VPS45: variants seen among roughly 807,000 people sequenced by gnomAD.
The protein encoded by VPS45 is vacuolar protein sorting-associated protein 45.
VPS45 carries 35 observed loss-of-function variants against 75.9 expected under a neutral mutation model. The observed-to-expected ratio is 0.46, with a 90% CI of 0.35 to 0.61. The LOEUF is 0.61. VPS45 is among the 20% of genes least tolerant of loss of function. The probability of loss-of-function intolerance (pLI) is 0.00; values close to 1 mark genes in which losing one functional copy is unlikely to be tolerated. For synonymous variants in VPS45, 220 were observed against 238.2 expected (o/e 0.92, Z 0.70); for missense variants, 559 against 685.9 (o/e 0.81, Z 2.07).
At position 150,072,208 on chromosome 1, in the gene VPS45, TAC is replaced by T; in HGVS notation, c.274_275del (p.Thr92TyrfsTer8). ...YIIQELRRPK[Y>X]TIYFIYFSNV... ...TATTCAGGAGCTCCGAAGACCCAAATACACTATATATTTCATTTGTAAGTATG... is the reference window on the plus strand; with the variant it reads ...TATTCAGGAGCTCCGAAGACCCAAATACTATATATTTCATTTGTAAGTATG... On this transcript the variant is annotated frameshift_variant, in exon 3 of 15. Transcript: ENST00000644510. LOFTEE classifies it high-confidence loss of function. The T allele has an allele frequency of 6.2e-7, 1 of 1,603,984 alleles. No individual in the cohort carries two copies. Among genetic ancestry groups the T allele is most frequent in the Non-Finnish European group, 8.5e-7 (1 of 1,174,258 alleles).
chr1:150,082,052 G>A (rs1197995849), intron 9 of VPS45, 55 bp downstream of exon 9: 8 of 1,133,910 alleles, frequency 7.1e-6, no homozygotes, highest in Middle Eastern at 5.6e-4. Flanking sequence ...TACTATTCAT[G>A]TAAGCAACAC....
intron 14 of VPS45, among the ~76,000 whole-genome samples, chr1:150,142,659 G>A (rs1461948259): frequency 6.6e-6 from 1 of 152,096 alleles, no homozygotes; most frequent in Admixed American, 6.5e-5. Flanking sequence ...CAAATAACTT[G>A]TTGTTGTTGC....
At chr1:150,074,547 G>A (rs1655260955) in intron 3 of VPS45, among the ~76,000 whole-genome samples, 1 of 152,050 alleles carries the variant, frequency 6.6e-6, no homozygotes, top group South Asian at 2.1e-4. Context: ...AGATTTTTAT[G>A]TGAACATTAA....
chr1:150,070,408 T>C (rs1196747901), intron 2 of VPS45, among the ~76,000 whole-genome samples: 2 of 152,170 alleles, frequency 1.3e-5, no homozygotes, highest in East Asian at 1.9e-4. Flanking sequence ...TCAAGAGATA[T>C]GTTAGAGATC....
At chr1:150,076,498 A>G (rs1379130000) in intron 4 of VPS45, 186 bp downstream of exon 4, 2 of 491,778 alleles carry the variant, frequency 4.1e-6, no homozygotes. Context: ...TGAATTTTTC[A>G]GAAGGATGTG....
intron 4 of VPS45, chr1:150,076,596 C>T: frequency 2.1e-6 from 1 of 466,034 alleles, no homozygotes; most frequent in Non-Finnish European, 3.8e-6. Context: ...TCTTTTTTAT[C>T]TGAGTAGAAC....
chr1:150,144,109 T>A (rs1659549364), intron 14 of VPS45, among the ~76,000 whole-genome samples: 1 of 52,544 alleles, frequency 1.9e-5, no homozygotes, highest in Non-Finnish European at 3.5e-5. Context: ...TATTTTGTTT[T>A]ATTTTTTAAT....
chr1:150,087,673 G>A (rs1308755171), intron 10 of VPS45, among the ~76,000 whole-genome samples: 3 of 152,192 alleles, frequency 2.0e-5, no homozygotes, highest in Non-Finnish European at 4.4e-5. Flanking sequence ...AAAAGGTCCT[G>A]CGTCTCCAAG....
At chr1:150,138,570 G>A (rs587695917) in intron 14 of VPS45, among the ~76,000 whole-genome samples, 1 of 152,236 alleles carries the variant, frequency 6.6e-6, no homozygotes, top group South Asian at 2.1e-4. Flanking sequence ...TTGCATTATA[G>A]ATGTTCAGCA....
At chr1:150,083,045 A>C (rs1655804741) in intron 10 of VPS45, 162 bp downstream of exon 10, 1 of 726,196 alleles carries the variant, frequency 1.4e-6, no homozygotes, top group Non-Finnish European at 2.1e-6. Context: ...ATCTATAAAA[A>C]GAGTCACAAG....
chr1:150,119,844 C>T (rs1387069014), intron 14 of VPS45, among the ~76,000 whole-genome samples: 6 of 152,248 alleles, frequency 3.9e-5, no homozygotes, highest in Non-Finnish European at 8.8e-5. Flanking sequence ...CGCGGTGGCT[C>T]ATGCCTGTAA....
intron 7 of VPS45, among the ~76,000 whole-genome samples, chr1:150,080,806 A>G (rs1247001697): frequency 6.6e-6 from 1 of 152,214 alleles, no homozygotes; most frequent in Non-Finnish European, 1.5e-5. Flanking sequence ...AGGTAAAAAT[A>G]TAAAATAAAA....
chr1:150,144,753 A>G lies in VPS45; in HGVS notation c.1670A>G (p.Lys557Arg), dbSNP rs1659580508. 6.2e-7 allele frequency: 1 copy of G among 1,614,038 alleles called. No individual in the cohort carries two copies. The highest frequency in any genetic ancestry group is 8.5e-7 in the Non-Finnish European group (1 of 1,180,030). ...VLASGLHSRS[K>R]ESSQVTSRSA... ...GCTTCTGGACTGCACAGCCGAAGCA[A>G]GGAGAGCTCTCAAGTCACATCAAGG... Residue 557 changes from lysine (K) to arginine (R), a missense_variant, in exon 15 of 15, where the codon AAG becomes AGG. By Grantham distance (26) the Lys-to-Arg change is conservative (BLOSUM62 2). Coordinates refer to ENST00000644510, the MANE Select transcript of VPS45 (RefSeq NM_007259.5).
chr1:150,070,420 T>A (rs1654988300), intron 2 of VPS45, among the ~76,000 whole-genome samples: 1 of 152,192 alleles, frequency 6.6e-6, no homozygotes, highest in Non-Finnish European at 1.5e-5. Flanking sequence ...TTAGAGATCA[T>A]CTAGTTCATT....
intron 14 of VPS45, among the ~76,000 whole-genome samples, chr1:150,111,055 G>A (rs1392504775): frequency 6.6e-6 from 1 of 152,082 alleles, no homozygotes; most frequent in African/African-American, 2.4e-5. Flanking sequence ...CTATTTTGTT[G>A]ATTAACTTTA....
At chr1:150,071,359 A>G (rs959633737) in intron 2 of VPS45, among the ~76,000 whole-genome samples, 40 of 152,344 alleles carry the variant, frequency 2.6e-4, no homozygotes, top group African/African-American at 7.0e-4. Flanking sequence ...GCTACTTGCA[A>G]ATACTTCACA....
rs1188991156 is a variant in VPS45 at position 150,082,900 on chromosome 1, G to A, written c.1104+17G>A. 6.2e-7 allele frequency: 1 copy of A among 1,609,750 alleles called. No individual in the cohort carries two copies. Among genetic ancestry groups the A allele is most frequent in the Non-Finnish European group, 8.5e-7 (1 of 1,177,706 alleles). On this transcript the variant is annotated intron_variant, in intron 10 of 14. Transcript: ENST00000644510. ...GCTCTCCAGGTCAGTCCAATTTGAT[G>A]AGCACCTACTATGTGTAAGGCACTG...
At chr1:150,122,284 A>G (rs1275643791) in intron 14 of VPS45, among the ~76,000 whole-genome samples, 1 of 152,024 alleles carries the variant, frequency 6.6e-6, no homozygotes, top group Non-Finnish European at 1.5e-5. Flanking sequence ...TTGAGCCACT[A>G]CACTCCAGCG....
intron 10 of VPS45, among the ~76,000 whole-genome samples, chr1:150,083,684 TA>T (rs1368664128): frequency 6.7e-6 from 1 of 148,288 alleles, no homozygotes; most frequent in African/African-American, 2.4e-5. Flanking sequence ...TATATATATA[TA>T]AAATATTTAT....
Sources: gnomAD v4.1 joint callset for allele counts (sites outside exome capture counted in the v4.1 genomes callset) on GRCh38, gnomAD v4.1.1 for gene constraint, MANE v1.5 for transcripts, NCBI Gene and HGNC (gene_info 2026-07-23, HGNC 2026-07-21) for gene names.